The following NRCAM variants were observed in gnomAD, a reference collection of about 807,000 sequenced individuals.
The protein encoded by NRCAM is NgCAM-related cell adhesion molecule.
Under a neutral mutation model 156.5 loss-of-function variants are expected in NRCAM, and 83 were observed. That is an observed-to-expected ratio of 0.53 (90% CI 0.44 to 0.64). The LOEUF (loss-of-function observed/expected upper bound fraction) is 0.64, where lower values mean the gene tolerates loss of function less well. Among genes scored for constraint, NRCAM ranks in the 30% least tolerant of loss-of-function variants. NRCAM has a pLI of 0.00. For missense variants in NRCAM, 1,417 were observed against 1,597.3 expected, an observed-to-expected ratio of 0.89 and a Z score of 1.92; for synonymous variants, 538 against 563.9, an observed-to-expected ratio of 0.95 and a Z score of 0.65.
chr7:108,343,761 T>C (rs2099320837), intron 2 of NRCAM, among the ~76,000 whole-genome samples: 1 of 152,244 alleles, frequency 6.6e-6, no homozygotes, highest in Non-Finnish European at 1.5e-5. Flanking sequence ...CATTATTTAC[T>C]AGACCAGGCC....
At chr7:108,383,265 A>T (rs960969768) in intron 2 of NRCAM, among the ~76,000 whole-genome samples, 8 of 152,200 alleles carry the variant, frequency 5.3e-5, no homozygotes, top group African/African-American at 1.9e-4. Flanking sequence ...ATTGGGAGTT[A>T]TTTTCACTTC....
intron 11 of NRCAM, among the ~76,000 whole-genome samples, chr7:108,219,274 C>T (rs2091175998): frequency 1.3e-5 from 2 of 152,092 alleles, no homozygotes; most frequent in South Asian, 2.1e-4. Context: ...TTCTACCAGA[C>T]ATTCAAAGAA....
In NRCAM at chr7:108,232,577, C is replaced by G. The variant is rs116513211; in HGVS notation, c.231-55G>C. 3,608 of 1,279,350 alleles carry G rather than the reference C, an allele frequency of 2.8e-3. 74 individuals carry two copies. The African/African-American group carries it at 0.047, about 17-fold the overall frequency. The allele number at this position is 1,279,350 out of a possible 1,614,324, so 79.2% of individuals were successfully genotyped here. A position where few individuals can be genotyped will look rare whatever the true frequency, so the allele number is the denominator to read the frequency against. ...TAATGGTCCAGAAAAATGGGATTACCTTAACAAATTCCTAGCAGTTTTATG... is the reference window on the plus strand; with the variant it reads ...TAATGGTCCAGAAAAATGGGATTACGTTAACAAATTCCTAGCAGTTTTATG... On this transcript the variant is annotated intron_variant, in intron 6 of 32. Coordinates refer to ENST00000379028, the MANE Select transcript of NRCAM (RefSeq NM_001037132.4).
At chr7:108,348,282 AGAG>A (rs2099384604) in intron 2 of NRCAM, among the ~76,000 whole-genome samples, 2 of 152,294 alleles carry the variant, frequency 1.3e-5, no homozygotes, top group African/African-American at 4.8e-5. Context: ...GATAAATTTC[AGAG>A]GAGGGGCAGA....
rs761517734 is a variant in NRCAM, at chr7:108,195,822, C to A, written c.1402G>T (p.Ala468Ser). ...CAGTCTAGTAAAGCAGGCCTGTTTG[C>A]AATGACCTGGTAGAGTGTGTTTGCA... The part of the protein sequence containing the change: ...TPANTLYQVI[A>S]NRPALLDCAF... The change falls in exon 15 of 33, where the codon GCA becomes TCA. Residue 468 changes from alanine (A) to serine (S), a missense_variant. Transcript: ENST00000379028. 3 of 1,613,676 alleles carry A rather than the reference C, an allele frequency of 1.9e-6. No homozygotes were observed. The Admixed American group carries it at 5.0e-5, about 27-fold the overall frequency.
At chr7:108,182,632 G>A (rs1563301906) in intron 23 of NRCAM, 63 bp downstream of exon 23, 3 of 1,453,028 alleles carry the variant, frequency 2.1e-6, no homozygotes, top group African/African-American at 2.8e-5. Context: ...AGGAGAAATG[G>A]CCTTGGCTTG....
intron 32 of NRCAM, among the ~76,000 whole-genome samples, chr7:108,156,004 TTCTG>T (rs767875638): frequency 3.9e-5 from 6 of 152,074 alleles, no homozygotes; most frequent in African/African-American, 9.7e-5. Context: ...TCTGTGATAA[TTCTG>T]TCTGATTTTC....
intron 2 of NRCAM, among the ~76,000 whole-genome samples, chr7:108,345,526 C>T (rs1014024695): frequency 6.6e-6 from 1 of 152,162 alleles, no homozygotes; most frequent in African/African-American, 2.4e-5. Flanking sequence ...TATAGTGAAA[C>T]CCTAATCTTC....
chr7:108,306,692 G>A (rs143175234), intron 3 of NRCAM, among the ~76,000 whole-genome samples: 9 of 152,214 alleles, frequency 5.9e-5, no homozygotes, highest in Admixed American at 2.6e-4. Context: ...AACATGCTAC[G>A]AAACAAACAT....
chr7:108,193,887 T>C, intron 17 of NRCAM, 137 bp downstream of exon 17: 2 of 777,432 alleles, frequency 2.6e-6, no homozygotes, highest in Non-Finnish European at 4.0e-6. Flanking sequence ...AGGGAGAAAA[T>C]GCTTATCTCT....
chr7:108,368,236 C>CCCCT (rs1554569430), intron 2 of NRCAM, among the ~76,000 whole-genome samples: 1 of 124,890 alleles, frequency 8.0e-6, no homozygotes, highest in Non-Finnish European at 1.7e-5. Context: ...CCCCCCCCAC[C>CCCCT]CCCCCGCCTG....
In NRCAM at chr7:108,195,838, T is replaced by C. The variant is rs2074729938; in HGVS notation, c.1386A>G (p.Thr462=). The C allele has an allele frequency of 1.3e-5, 21 of 1,613,200 alleles. No homozygotes were observed. Among genetic ancestry groups the C allele is most frequent in the Non-Finnish European group, 1.7e-5 (20 of 1,179,582 alleles). ...GCCTGTTTGCAATGACCTGGTAGAG[T>C]GTGTTTGCAGGTGTGAGGATTCGTG... ...EPPRILTPAN[T]LYQVIANRPA... The change falls in exon 15 of 33, where the codon ACA becomes ACG. Residue 462 remains threonine, a synonymous_variant. Coordinates refer to ENST00000379028, the MANE Select transcript of NRCAM (RefSeq NM_001037132.4).
At position 108,254,551 on chromosome 7, in the gene NRCAM, C is replaced by CTTTTTTTT. The variant is rs71137620; in HGVS notation, c.-106-14389_-106-14382dup. Among the ~76,000 whole-genome samples the CTTTTTTTT allele has an allele frequency of 5.5e-3, 719 of 130,246 alleles. 38 individuals carry two copies. Among genetic ancestry groups the CTTTTTTTT allele is most frequent in the African/African-American group, 0.02 (659 of 32,298 alleles). 85.4% of individuals were successfully genotyped at this position (130,246 alleles called of 152,430 possible). A position where few individuals can be genotyped will look rare whatever the true frequency, so the allele number is the denominator to read the frequency against. ...TAGCCATTCTGAAAAAACAATTTTG[C>CTTTTTTTT]TTTTTTTTTTTTTTTGAGATGGAAC... is the stretch of plus-strand genomic sequence containing the variant. On this transcript the variant is annotated intron_variant, in intron 3 of 32. Transcript: ENST00000379028.
At chr7:108,351,817 A>G (rs2099414811) in intron 2 of NRCAM, among the ~76,000 whole-genome samples, 1 of 152,076 alleles carries the variant, frequency 6.6e-6, no homozygotes, top group East Asian at 1.9e-4. Flanking sequence ...GATGAAATAC[A>G]CATTTAACAA....
intron 5 of NRCAM, among the ~76,000 whole-genome samples, chr7:108,235,038 T>C (rs1345665860): frequency 1.3e-5 from 2 of 152,210 alleles, no homozygotes; most frequent in Admixed American, 6.5e-5. Flanking sequence ...AAATGATGTT[T>C]TTCAAAGGAA....
intron 1 of NRCAM, among the ~76,000 whole-genome samples, chr7:108,428,339 T>C (rs1820123444): frequency 6.6e-6 from 1 of 152,212 alleles, no homozygotes; most frequent in South Asian, 2.1e-4. Context: ...CATATATTAG[T>C]GAAAGTATAC....
chr7:108,237,899 C>A (rs2095233932), intron 4 of NRCAM, 130 bp from the exon 5 acceptor site: 5 of 570,198 alleles, frequency 8.8e-6, no homozygotes, highest in East Asian at 3.4e-5. Context: ...TCTAAGAAAA[C>A]CTGTATAGTG....
chr7:108,297,304 T>C (rs1315088483), intron 3 of NRCAM, among the ~76,000 whole-genome samples: 1 of 152,232 alleles, frequency 6.6e-6, no homozygotes, highest in East Asian at 1.9e-4. Flanking sequence ...TTTGATTGTT[T>C]TCCAACTCTA....
intron 12 of NRCAM, among the ~76,000 whole-genome samples, chr7:108,209,127 T>C (rs979698895): frequency 3.3e-5 from 5 of 152,208 alleles, no homozygotes; most frequent in African/African-American, 1.2e-4. Context: ...TTAGCATTCA[T>C]TGTTTGATCT....
Sources: allele counts gnomAD v4.1 joint callset (sites outside exome capture counted in the v4.1 genomes callset), GRCh38; gene constraint gnomAD v4.1.1; transcripts MANE v1.5; gene names NCBI Gene and HGNC (gene_info 2026-07-23, HGNC 2026-07-21).